Variants in FRMPD4 observed in about 807,000 individuals in gnomAD.
The protein encoded by FRMPD4 is FERM and PDZ domain containing 4, also known as FERM and PDZ domain-containing protein 4.
Under a neutral mutation model 94.1 loss-of-function variants are expected in FRMPD4, and 22 were observed. That is an observed-to-expected ratio of 0.23 (90% CI 0.17 to 0.33). The LOEUF (loss-of-function observed/expected upper bound fraction) is 0.33, where lower values mean the gene tolerates loss of function less well. Among genes scored for constraint, FRMPD4 ranks in the 10% least tolerant of loss-of-function variants. FRMPD4 has a pLI of 1.00. For missense variants in FRMPD4, 1,111 were observed against 1,339.9 expected (o/e 0.83, Z 2.67); for synonymous variants, 631 against 548.6 (o/e 1.15, Z -2.10).
rs779232668 is a variant in FRMPD4, at chrX:12,263,080, A to T, written c.41+124068A>T. 6.3e-5 allele frequency among the ~76,000 whole-genome samples: 7 copies of T among 111,889 alleles called. No homozygotes were observed. The East Asian group carries it at 2.0e-3, about 32-fold the overall frequency. On this transcript the variant is annotated intron_variant, in intron 1 of 16. Transcript: ENST00000675598. ...TCTTAAGCTAACTTCAAGTCATAAG[A>T]CTGACATGCACACATTTACTATTAA...
At chrX:12,198,749 GT>G (rs1371496848) in intron 1 of FRMPD4, among the ~76,000 whole-genome samples, 1 of 112,004 alleles carries the variant, frequency 8.9e-6, no homozygotes, top group African/African-American at 3.2e-5. Flanking sequence ...TTGTGTCACT[GT>G]GGTCAGACAA....
intron 1 of FRMPD4, among the ~76,000 whole-genome samples, chrX:12,402,994 C>T (rs142216199): frequency 6.8e-4 from 76 of 112,456 alleles, no homozygotes; most frequent in African/African-American, 2.4e-3. Context: ...GCAGCACAAA[C>T]AGACTAAGAT....
chrX:12,666,773 AG>A (rs956690176), intron 4 of FRMPD4, among the ~76,000 whole-genome samples: 1 of 112,163 alleles, frequency 8.9e-6, no homozygotes, highest in African/African-American at 3.2e-5. Context: ...TCTGAGACAC[AG>A]CTAAAGCGGT....
At chrX:12,338,998 TTTTTGAG>T (rs2055568603) in intron 1 of FRMPD4, among the ~76,000 whole-genome samples, 1 of 111,606 alleles carries the variant, frequency 9.0e-6, no homozygotes, top group African/African-American at 3.3e-5. Context: ...TGTCAAAAAG[TTTTTGAG>T]TTTGGGTTAA....
intron 3 of FRMPD4, among the ~76,000 whole-genome samples, chrX:12,118,490 T>C (rs137980079): frequency 5.3e-5 from 6 of 112,235 alleles, no homozygotes; most frequent in African/African-American, 1.6e-4. Context: ...CAAGTCACCG[T>C]TGGGGCACTG....
At chrX:12,685,982 G>A (rs1158950104) in intron 6 of FRMPD4, 115 bp from the exon 7 acceptor site, 3 of 395,812 alleles carry the variant, frequency 7.6e-6, no homozygotes, top group Non-Finnish European at 1.3e-5. Context: ...TGGCCTTAGA[G>A]AGTTTGATTG....
intron 4 of FRMPD4, among the ~76,000 whole-genome samples, chrX:12,670,258 C>A (rs1005570581): frequency 1.2e-3 from 130 of 112,193 alleles, no homozygotes; most frequent in African/African-American, 4.1e-3. Flanking sequence ...GATTCTAAGC[C>A]TCCCTGTCTT....
chrX:12,192,232 A>G (rs2056501131), intron 1 of FRMPD4, among the ~76,000 whole-genome samples: 2 of 111,611 alleles, frequency 1.8e-5, no homozygotes, highest in African/African-American at 6.5e-5. Flanking sequence ...ATTTCTGGGC[A>G]TATTCCTCAA....
intron 1 of FRMPD4, among the ~76,000 whole-genome samples, chrX:12,415,369 C>G (rs998572809): frequency 9.0e-6 from 1 of 111,218 alleles, no homozygotes; most frequent in Non-Finnish European, 1.9e-5. Flanking sequence ...GCAACCCTTA[C>G]CTCCTCCATC....
intron 3 of FRMPD4, among the ~76,000 whole-genome samples, chrX:12,007,457 C>T (rs1010007710): frequency 8.9e-6 from 1 of 112,035 alleles, no homozygotes. Context: ...TACTCTTTCC[C>T]ATGGCTTCCC....
chrX:12,141,677 G>A (rs763101396), intron 1 of FRMPD4, among the ~76,000 whole-genome samples: 24 of 104,956 alleles, frequency 2.3e-4, no homozygotes, highest in African/African-American at 7.9e-4. Flanking sequence ...TGCATCCTTC[G>A]TGGGTGGCAC....
intron 1 of FRMPD4, chrX:12,494,992 G>T (rs1247816522): frequency 1.4e-6 from 1 of 709,302 alleles, no homozygotes; most frequent in Admixed American, 8.8e-5. Flanking sequence ...CATCAGAATT[G>T]CAAGAACTCT....
At chrX:12,389,752 T>C (rs2056450597) in intron 1 of FRMPD4, among the ~76,000 whole-genome samples, 1 of 112,121 alleles carries the variant, frequency 8.9e-6, no homozygotes, top group Admixed American at 9.5e-5. Flanking sequence ...TATTATTTTG[T>C]GTAATTAACA....
At chrX:12,020,347 T>G (rs1162435546) in intron 3 of FRMPD4, among the ~76,000 whole-genome samples, 3 of 112,425 alleles carry the variant, frequency 2.7e-5, no homozygotes, top group Admixed American at 9.4e-5. Context: ...TGAAGTTTAT[T>G]TCTTGTTCAC....
chrX:11,931,481 C>T (rs56906069), intron 3 of FRMPD4, among the ~76,000 whole-genome samples: 4,474 of 111,476 alleles, frequency 0.04, 240 homozygotes, highest in African/African-American at 0.14. Flanking sequence ...CTCAGTACCT[C>T]GCCTCTCCTC....
chrX:12,016,396 G>T (rs2054604990), intron 3 of FRMPD4, among the ~76,000 whole-genome samples: 1 of 111,831 alleles, frequency 8.9e-6, no homozygotes, highest in African/African-American at 3.3e-5. Context: ...AATGTGGAGT[G>T]AATTGATTTT....
At chrX:12,603,538 T>A (rs2059102997) in intron 2 of FRMPD4, among the ~76,000 whole-genome samples, 1 of 112,035 alleles carries the variant, frequency 8.9e-6, no homozygotes, top group Non-Finnish European at 1.9e-5. Flanking sequence ...CCTTTTGAAA[T>A]GAAATCTGTC....
chrX:12,137,450 C>T (rs762745442), upstream of FRMPD4, among the ~76,000 whole-genome samples: 1 of 112,437 alleles, frequency 8.9e-6, no homozygotes, highest in Non-Finnish European at 1.9e-5. Context: ...GGAACACTGG[C>T]TGGATCTTCC....
chrX:12,596,372 A>T (rs1017748988), intron 2 of FRMPD4, among the ~76,000 whole-genome samples: 9 of 112,181 alleles, frequency 8.0e-5, no homozygotes, highest in African/African-American at 2.9e-4. Context: ...AGGAAATAGC[A>T]TCAAAATTGT....
Sources: gnomAD v4.1 joint callset for allele counts (sites outside exome capture counted in the v4.1 genomes callset) on GRCh38, gnomAD v4.1.1 for gene constraint, MANE v1.5 for transcripts, NCBI Gene and HGNC (gene_info 2026-07-23, HGNC 2026-07-21) for gene names.